The following CAST variants were observed in gnomAD, a reference collection of about 807,000 sequenced individuals.
CAST encodes the protein MIR583 host.
A neutral mutation model predicts 119.6 loss-of-function variants in CAST; 76 were observed. That is an observed-to-expected ratio of 0.64 (90% CI 0.53 to 0.77). The LOEUF is 0.77. Among genes scored for constraint, CAST ranks in the 30% least tolerant of loss-of-function variants. CAST has a pLI of 0.00. For missense variants in CAST, 953 were observed against 946.5 expected (o/e 1.01, Z -0.09); for synonymous variants, 319 against 331.6 (o/e 0.96, Z 0.41).
the CAST span, among the ~76,000 whole-genome samples, chr5:96,296,227 G>T: frequency 6.6e-6 from 1 of 152,094 alleles, no homozygotes; most frequent in Admixed American, 6.5e-5. Flanking sequence ...TCTCCGGCCT[G>T]GTTAGATCCT....
the CAST span, among the ~76,000 whole-genome samples, chr5:95,964,478 G>A: frequency 6.6e-6 from 1 of 152,182 alleles, no homozygotes; most frequent in Non-Finnish European, 1.5e-5. Context: ...TATAGTCAAA[G>A]CAAAGCAATT....
At chr5:96,156,997 C>A in the CAST span, among the ~76,000 whole-genome samples, 1 of 152,082 alleles carries the variant, frequency 6.6e-6, no homozygotes, top group Non-Finnish European at 1.5e-5. Context: ...TTATATAGTT[C>A]ATTTGGAAAT....
the CAST span, among the ~76,000 whole-genome samples, chr5:96,300,740 T>C: frequency 6.6e-6 from 1 of 152,120 alleles, no homozygotes; most frequent in African/African-American, 2.4e-5. Flanking sequence ...TGGGATATCT[T>C]TCTATTTATT....
At chr5:96,397,261 T>G in the CAST span, 19 of 1,315,996 alleles carry the variant, frequency 1.4e-5, no homozygotes, top group Non-Finnish European at 1.7e-5. Flanking sequence ...TAATTAATGA[T>G]GAAATCAACC....
Position 96,774,509 on chromosome 5 carries a change from T to TATCA in CAST, c.*1895_*1898dup, listed in dbSNP as rs1344443746. On this transcript the variant is annotated 3_prime_UTR_variant, in exon 32 of 32. Coordinates refer to ENST00000675179, the MANE Select transcript of CAST (RefSeq NM_001750.7). ...TTAGAGGCAAAGAACAATTTTTTAT[T>TATCA]ATCAAAAAGGTTTCTGCACATTGTT... The TATCA allele has an allele frequency of 1.0e-6, 1 of 986,532 alleles. No individual in the cohort carries two copies. The highest frequency in any genetic ancestry group is 1.2e-6 in the Non-Finnish European group (1 of 829,796). 61.1% of individuals were successfully genotyped at this position (986,532 alleles called of 1,614,324 possible). A position where few individuals can be genotyped will look rare whatever the true frequency, so the allele number is the denominator to read the frequency against.
the CAST span, among the ~76,000 whole-genome samples, chr5:95,974,220 G>A: frequency 5.6e-4 from 85 of 152,258 alleles, no homozygotes; most frequent in African/African-American, 1.8e-3. Context: ...CAGTTGGTGG[G>A]AACCAGCTGT....
chr5:96,251,550 T>C, the CAST span, among the ~76,000 whole-genome samples: 1 of 152,172 alleles, frequency 6.6e-6, no homozygotes, highest in Non-Finnish European at 1.5e-5. Flanking sequence ...AAATGCATGC[T>C]TGATCTACAA....
chr5:96,208,439 T>G, the CAST span, among the ~76,000 whole-genome samples: 1 of 151,950 alleles, frequency 6.6e-6, no homozygotes, highest in Non-Finnish European at 1.5e-5. Context: ...ATGAGATCTT[T>G]TTAACTTTTC....
chr5:96,234,688 T>C, the CAST span, among the ~76,000 whole-genome samples: 1 of 152,164 alleles, frequency 6.6e-6, no homozygotes, highest in Non-Finnish European at 1.5e-5. Flanking sequence ...TAAATGTTCA[T>C]CCAGACAAGT....
At chr5:96,150,560 G>T in the CAST span, among the ~76,000 whole-genome samples, 1 of 152,198 alleles carries the variant, frequency 6.6e-6, no homozygotes, top group African/African-American at 2.4e-5. Context: ...CAAGGCAGAG[G>T]CAGGGGCAGT....
At chr5:96,470,207 A>ACGCACACG in the CAST span, among the ~76,000 whole-genome samples, 10,906 of 151,266 alleles carry the variant, frequency 0.072, 858 homozygotes, top group East Asian at 0.41. Context: ...ACACACACAC[A>ACGCACACG]CACGCACAGA....
chr5:96,246,187 C>CTTTTTTTTTTTTTTTTTTTTT, the CAST span, among the ~76,000 whole-genome samples: 21 of 76,410 alleles, frequency 2.7e-4, 1 homozygote, highest in East Asian at 1.0e-3. Flanking sequence ...GTCTGTCTTC[C>CTTTTTTTTTTTTTTTTTTTTT]TTTTTTTTTT....
the CAST span, among the ~76,000 whole-genome samples, chr5:96,203,931 C>A: frequency 6.6e-6 from 1 of 151,910 alleles, no homozygotes; most frequent in African/African-American, 2.4e-5. Context: ...ACAAATAGAC[C>A]GGGCTGATGA....
chr5:96,619,711 A>G (rs967950321), intron 1 of CAST, among the ~76,000 whole-genome samples: 3 of 151,544 alleles, frequency 2.0e-5, no homozygotes, highest in Non-Finnish European at 2.9e-5. Flanking sequence ...AAACATCAGA[A>G]TAACAAACTC....
chr5:96,632,814 C>T (rs934739089), intron 1 of CAST, among the ~76,000 whole-genome samples: 2 of 152,180 alleles, frequency 1.3e-5, no homozygotes, highest in Admixed American at 6.5e-5. Context: ...ATGACAGTAG[C>T]ACGCTGTATT....
chr5:96,034,639 C>T, the CAST span, among the ~76,000 whole-genome samples: 1 of 151,330 alleles, frequency 6.6e-6, no homozygotes, highest in Non-Finnish European at 1.5e-5. Flanking sequence ...CCTACATCCA[C>T]TCTCTTAGCA....
chr5:96,234,309 C>T, the CAST span, among the ~76,000 whole-genome samples: 1 of 152,126 alleles, frequency 6.6e-6, no homozygotes, highest in Non-Finnish European at 1.5e-5. Flanking sequence ...TCATGGAAGG[C>T]CGTAGTAGGG....
At chr5:96,194,849 G>C in the CAST span, among the ~76,000 whole-genome samples, 3 of 152,190 alleles carry the variant, frequency 2.0e-5, no homozygotes, top group Non-Finnish European at 4.4e-5. Flanking sequence ...TTGCTGTGCA[G>C]GGCCAAGTGG....
chr5:96,329,331 A>G, the CAST span, among the ~76,000 whole-genome samples: 1 of 152,270 alleles, frequency 6.6e-6, no homozygotes, highest in African/African-American at 2.4e-5. Flanking sequence ...ATTTTGACTC[A>G]ACCACAAAGC....
Sources: gnomAD v4.1 joint callset for allele counts (sites outside exome capture counted in the v4.1 genomes callset) on GRCh38, gnomAD v4.1.1 for gene constraint, MANE v1.5 for transcripts, NCBI Gene and HGNC (gene_info 2026-07-23, HGNC 2026-07-21) for gene names.